METTL21A: variants seen among roughly 807,000 people sequenced by gnomAD.
METTL21A encodes the protein methyltransferase 21A, HSPA lysine, also known as protein N-lysine methyltransferase METTL21A.
A neutral mutation model predicts 20.9 loss-of-function variants in METTL21A; 22 were observed. The observed-to-expected ratio is 1.05, with a 90% CI of 0.75 to 1.50. The LOEUF is 1.50. METTL21A is among the 40% of genes most tolerant of loss of function. METTL21A has a pLI of 0.00. For missense variants in METTL21A, 271 were observed against 266.8 expected (o/e 1.02, Z -0.11); for synonymous variants, 93 against 102.0 (o/e 0.91, Z 0.53).
chr2:207,587,705 T>TA (rs1194003755), intron 3 of METTL21A, among the ~76,000 whole-genome samples: 1 of 152,132 alleles, frequency 6.6e-6, no homozygotes, highest in Non-Finnish European at 1.5e-5. Flanking sequence ...GAAAGATAAA[T>TA]ACCACATGTT....
intron 3 of METTL21A, chr2:207,600,100 A>G (rs962050390): frequency 5.4e-6 from 1 of 186,752 alleles, no homozygotes; most frequent in African/African-American, 2.3e-5. Context: ...TTCATTATTA[A>G]ATAATTGCTA....
At chr2:207,617,375 C>G (rs1219732089) in intron 3 of METTL21A, among the ~76,000 whole-genome samples, 1 of 152,012 alleles carries the variant, frequency 6.6e-6, no homozygotes, top group Admixed American at 6.6e-5. Context: ...TCAAGAGGAG[C>G]AGAGGTCAAA....
At chr2:207,624,474 A>G (rs1377000519) in intron 1 of METTL21A, 70 bp from the exon 2 acceptor site, 4 of 1,336,016 alleles carry the variant, frequency 3.0e-6, no homozygotes, top group Non-Finnish European at 4.0e-6. Context: ...ACTAACTCCA[A>G]ATGCTTTTAA....
intron 3 of METTL21A, chr2:207,599,633 C>G (rs1457945466): frequency 2.0e-5 from 4 of 199,528 alleles, no homozygotes; most frequent in African/African-American, 2.3e-5. Flanking sequence ...GTCTTAGACC[C>G]TTGGTGAAAC....
At chr2:207,603,447 T>G (rs968293157) in intron 3 of METTL21A, 2 of 225,194 alleles carry the variant, frequency 8.9e-6, no homozygotes, top group Non-Finnish European at 1.8e-5. Flanking sequence ...GTCTCTTTTT[T>G]GGGGATGGGA....
In METTL21A at chr2:207,621,795, A is replaced by G. The variant is rs2107292146; in HGVS notation, c.259+11T>C. The G allele has an allele frequency of 3.1e-6, 5 of 1,610,678 alleles. No individual in the cohort carries two copies. Among genetic ancestry groups the G allele is most frequent in the East Asian group, 2.2e-5 (1 of 44,870 alleles). Reference sequence around the variant, plus strand: ...GTTCTGCTCACTAAGGAGTCAATGCATGACACTCACCCAGCAGGGCAGCCA... The same window carrying G: ...GTTCTGCTCACTAAGGAGTCAATGCGTGACACTCACCCAGCAGGGCAGCCA... On this transcript the variant is annotated intron_variant, in intron 3 of 3. Coordinates refer to ENST00000406927, the Ensembl canonical transcript of METTL21A.
chr2:207,588,739 T>TG (rs67564101), intron 3 of METTL21A, among the ~76,000 whole-genome samples: 14,701 of 148,420 alleles, frequency 0.099, 794 homozygotes, highest in Middle Eastern at 0.15. Context: ...TTTTTTTTTT[T>TG]TTTGTGTGTG....
intron 3 of METTL21A, among the ~76,000 whole-genome samples, chr2:207,593,468 T>G (rs1257250773): frequency 6.6e-6 from 1 of 152,212 alleles, no homozygotes; most frequent in African/African-American, 2.4e-5. Context: ...AGGTCAAGGC[T>G]GCAGTGAGCC....
At chr2:207,581,640 G>A, downstream of METTL21A, 3 of 418,362 alleles carry the variant, frequency 7.2e-6, no homozygotes, top group Admixed American at 1.2e-4. Flanking sequence ...TTACAAAGGA[G>A]TTTTAAAAAT....
chr2:207,591,694 A>G (rs1183135267), intron 3 of METTL21A, among the ~76,000 whole-genome samples: 1 of 152,066 alleles, frequency 6.6e-6, no homozygotes, highest in South Asian at 2.1e-4. Context: ...CAGCCTCCCA[A>G]AGTGCTGGGA....
downstream of METTL21A, chr2:207,580,823 T>C: frequency 4.5e-6 from 1 of 222,004 alleles, no homozygotes; most frequent in Non-Finnish European, 9.0e-6. Context: ...CTCTCCTTCA[T>C]GTGCCCATCT....
At chr2:207,616,232 G>A (rs191110323) in intron 3 of METTL21A, among the ~76,000 whole-genome samples, 49 of 151,972 alleles carry the variant, frequency 3.2e-4, no homozygotes, top group Admixed American at 2.2e-3. Flanking sequence ...AGTTAGAACT[G>A]TATCTCTGAA....
At chr2:207,602,883 A>G (rs1559097541) in intron 3 of METTL21A, 2 of 217,828 alleles carry the variant, frequency 9.2e-6, no homozygotes, top group East Asian at 1.4e-4. Context: ...TGTCAGTTGT[A>G]ACTCCCCCAC....
rs377061207 is a variant in METTL21A, at chr2:207,617,884, C to T, written c.259+3922G>A. On this transcript the variant is annotated intron_variant, in intron 3 of 3. Transcript: ENST00000406927. Reference sequence around the variant, plus strand: ...GACTCCAAGGGGTAGGGGAGGTAGACGGGGAGTCAAGGAGTTGGGTGGGGG... The same window carrying T: ...GACTCCAAGGGGTAGGGGAGGTAGATGGGGAGTCAAGGAGTTGGGTGGGGG... Among the ~76,000 whole-genome samples, 26 of 151,868 alleles carry T rather than the reference C, an allele frequency of 1.7e-4. No homozygotes were observed. In the East Asian group the frequency reaches 2.1e-3, roughly 12 times the overall value.
chr2:207,603,775 A>G (rs142438869), intron 3 of METTL21A, among the ~76,000 whole-genome samples: 1 of 152,298 alleles, frequency 6.6e-6, no homozygotes, highest in African/African-American at 2.4e-5. Context: ...TCCCCTTGCA[A>G]TTCTAAAACT....
chr2:207,624,220 C>G lies in METTL21A; in HGVS notation c.147+9G>C. On this transcript the variant is annotated intron_variant, in intron 2 of 3. Coordinates refer to ENST00000406927, the Ensembl canonical transcript of METTL21A. ...GAACGTTTTCAGAGGTCCCCCAGGG[C>G]TTACTTACCGCATCCCAAACCACCG... The G allele has an allele frequency of 1.3e-6, 2 of 1,594,552 alleles. No individual in the cohort carries two copies. Among genetic ancestry groups the G allele is most frequent in the Non-Finnish European group, 1.7e-6 (2 of 1,171,842 alleles).
chr2:207,581,904 T>C, exon 4 of METTL21A: 1 of 702,998 alleles, frequency 1.4e-6, no homozygotes, highest in Non-Finnish European at 2.6e-6. Flanking sequence ...AGTGATCTGT[T>C]TTCTTTTAGA....
At chr2:207,600,270 G>A (rs1240133500) in intron 3 of METTL21A, 2 of 162,546 alleles carry the variant, frequency 1.2e-5, no homozygotes, top group Non-Finnish European at 1.3e-5. Context: ...TATACATACA[G>A]TATATAATCT....
chr2:207,596,866 T>C (rs760380912), intron 3 of METTL21A: 2 of 1,574,840 alleles, frequency 1.3e-6, no homozygotes. Context: ...CCAAAATAAA[T>C]ATGTGGAAAT....
Sources: allele counts gnomAD v4.1 joint callset (sites outside exome capture counted in the v4.1 genomes callset), GRCh38; gene constraint gnomAD v4.1.1; transcripts MANE v1.5; gene names NCBI Gene and HGNC (gene_info 2026-07-23, HGNC 2026-07-21).